DENND4A: variants seen among roughly 807,000 people sequenced by gnomAD.
DENND4A encodes the protein DENN domain containing 4A.
DENND4A carries 70 observed loss-of-function variants against 199.3 expected under a neutral mutation model. The ratio of observed to expected loss-of-function variants is 0.35; its 90% CI spans 0.29 to 0.43. The LOEUF is 0.43. Ranked by LOEUF, DENND4A falls within the 20% of genes least tolerant of loss-of-function variation. The pLI, the probability that DENND4A is intolerant of heterozygous loss-of-function variation, is 1.00. For synonymous variants in DENND4A, 686 were observed against 766.9 expected, an observed-to-expected ratio of 0.89 and a Z score of 1.74; for missense variants, 1,723 against 2,255.8, an observed-to-expected ratio of 0.76 and a Z score of 4.78.
At chr15:65,706,628 TG>T (rs955608862) in intron 14 of DENND4A, among the ~76,000 whole-genome samples, 20 of 152,146 alleles carry the variant, frequency 1.3e-4, no homozygotes, top group African/African-American at 4.6e-4. Context: ...CCCAAGTAGC[TG>T]GGACTACAGG....
chr15:65,666,249 AAAAT>A (rs1351960064), intron 29 of DENND4A, among the ~76,000 whole-genome samples: 1 of 152,226 alleles, frequency 6.6e-6, no homozygotes, highest in Admixed American at 6.5e-5. Context: ...AACTAATAAT[AAAAT>A]AGAACAATTA....
At position 65,731,065 on chromosome 15, in the gene DENND4A, A is replaced by C. The variant is rs532744845; in HGVS notation, c.1166+577T>G. 1.9e-3 allele frequency among the ~76,000 whole-genome samples: 289 copies of C among 152,150 alleles called. 2 individuals are homozygous for C. The highest frequency in any genetic ancestry group is 6.6e-3 in the African/African-American group (275 of 41,560). On this transcript the variant is annotated intron_variant, in intron 9 of 32. Transcript: ENST00000443035. ...CTGCAATTCTTACAAAATTAATGTC[A>C]AAGATGGCAGCTAGTCTCCCTTAGG...
At chr15:65,671,540 C>A (rs1377229516) in intron 25 of DENND4A, among the ~76,000 whole-genome samples, 1 of 152,180 alleles carries the variant, frequency 6.6e-6, no homozygotes, top group African/African-American at 2.4e-5. Flanking sequence ...CAGGTGCCTG[C>A]CACCATGCCT....
At chr15:65,775,378 C>T (rs2077256687) in intron 1 of DENND4A, among the ~76,000 whole-genome samples, 1 of 151,090 alleles carries the variant, frequency 6.6e-6, no homozygotes, top group Non-Finnish European at 1.5e-5. Flanking sequence ...CGGTGGCTCA[C>T]GTCTGTAATC....
chr15:65,670,112 G>A lies in DENND4A; in HGVS notation c.4541C>T (p.Thr1514Ile). 1 of 1,602,322 alleles carries A rather than the reference G, an allele frequency of 6.2e-7. No individual in the cohort carries two copies. Among genetic ancestry groups the A allele is most frequent in the Non-Finnish European group, 8.5e-7 (1 of 1,173,972 alleles). The change falls in exon 26 of 33, where the codon ACA becomes ATA. Residue 1514 changes from threonine (T) to isoleucine (I), a missense_variant. Around this residue, in one of 6 missense-constraint regions of DENND4A, gnomAD observed 7 missense variants for 28.4 expected, o/e 0.25. Coordinates refer to ENST00000443035, the MANE Select transcript of DENND4A (RefSeq NM_001320835.1). ...AGTATTGAGATTTGAATCATCTGCT[G>A]TCCAGCCAGCCATGATTTCCTCATC... ...VHDEEIMAGW[T>I]ADDSNLNTTC...
chr15:65,778,262 T>C (rs1310466638), intron 1 of DENND4A, among the ~76,000 whole-genome samples: 1 of 151,916 alleles, frequency 6.6e-6, no homozygotes, highest in Non-Finnish European at 1.5e-5. Flanking sequence ...TAAAGAAAAA[T>C]AATATCAGTT....
intron 1 of DENND4A, among the ~76,000 whole-genome samples, chr15:65,784,230 G>A (rs2572211): frequency 6.6e-6 from 1 of 151,984 alleles, no homozygotes; most frequent in Non-Finnish European, 1.5e-5. Flanking sequence ...AGGAAAGTCT[G>A]AAATGCCATC....
chr15:65,707,391 T>C (rs1011646849), intron 14 of DENND4A, among the ~76,000 whole-genome samples: 1 of 152,120 alleles, frequency 6.6e-6, no homozygotes, highest in African/African-American at 2.4e-5. Context: ...AGTTAAACCT[T>C]TAAGATAAGG....
At position 65,772,174 on chromosome 15, in the gene DENND4A, T is replaced by C. The variant is rs561914407; in HGVS notation, c.-101-10736A>G. On this transcript the variant is annotated intron_variant, in intron 1 of 32. Transcript: ENST00000443035. ...TCCTTCGATTTTATTTTCAATTACA[T>C]TAGCAACACCATTATCACTTCAATG... is the stretch of plus-strand genomic sequence containing the variant. The C allele has an allele frequency of 1.7e-5, 12 of 688,646 alleles. No individual in the cohort carries two copies. In the Middle Eastern group the frequency reaches 7.4e-4, roughly 42 times the overall value. 42.7% of individuals were successfully genotyped at this position (688,646 alleles called of 1,614,324 possible).
intron 15 of DENND4A, among the ~76,000 whole-genome samples, chr15:65,703,395 T>A (rs1004445156): frequency 3.3e-5 from 5 of 152,208 alleles, no homozygotes; most frequent in Non-Finnish European, 7.3e-5. Flanking sequence ...AAAAGGGCAA[T>A]CATTAATGTC....
At chr15:65,732,261 G>A (rs2075980938) in intron 8 of DENND4A, among the ~76,000 whole-genome samples, 1 of 151,980 alleles carries the variant, frequency 6.6e-6, no homozygotes, top group Non-Finnish European at 1.5e-5. Context: ...AATGTGTTAT[G>A]TATATTCTTA....
chr15:65,660,254 T>A lies in DENND4A; in HGVS notation c.*1597A>T. The A allele has an allele frequency of 2.9e-5, 44 of 1,530,712 alleles. No homozygotes were observed. Among genetic ancestry groups the A allele is most frequent in the Non-Finnish European group, 3.9e-5 (44 of 1,142,442 alleles). The allele number at this position is 1,530,712 out of a possible 1,614,324, so 94.8% of individuals were successfully genotyped here. A position where few individuals can be genotyped will look rare whatever the true frequency, so the allele number is the denominator to read the frequency against. On this transcript the variant is annotated 3_prime_UTR_variant, in exon 33 of 33. Transcript: ENST00000443035. ...CCAAACTAACTGAAGTTTTACATTT[T>A]TAAACTCTCTCCATTATTTCCCAGA...
chr15:65,776,059 T>C (rs2140925822), intron 1 of DENND4A, among the ~76,000 whole-genome samples: 1 of 152,314 alleles, frequency 6.6e-6, no homozygotes, highest in African/African-American at 2.4e-5. Flanking sequence ...TTTGTATGCT[T>C]CTAGAGTATC....
At chr15:65,778,950 T>A (rs554286074) in intron 1 of DENND4A, among the ~76,000 whole-genome samples, 1 of 147,062 alleles carries the variant, frequency 6.8e-6, no homozygotes, top group Non-Finnish European at 1.5e-5. Context: ...CAACATGCAA[T>A]TAAATACTGA....
intron 1 of DENND4A, chr15:65,766,735 A>G (rs1370835779): frequency 1.3e-5 from 2 of 152,210 alleles, no homozygotes; most frequent in African/African-American, 4.8e-5. Context: ...TTAAATCCCA[A>G]TGAAAACCAA....
At chr15:65,773,377 C>A (rs915322223) in intron 1 of DENND4A, among the ~76,000 whole-genome samples, 1 of 152,090 alleles carries the variant, frequency 6.6e-6, no homozygotes, top group Non-Finnish European at 1.5e-5. Flanking sequence ...TGCCTTACAG[C>A]GGTTTAATAG....
chr15:65,787,806 G>C (rs2077605897), intron 1 of DENND4A, among the ~76,000 whole-genome samples: 1 of 152,156 alleles, frequency 6.6e-6, no homozygotes. Flanking sequence ...TTGTGACCCA[G>C]GGTCTGAGGG....
At chr15:65,696,870 CA>C in intron 21 of DENND4A, 2 of 322,154 alleles carry the variant, frequency 6.2e-6, no homozygotes, top group Non-Finnish European at 1.2e-5. Context: ...TAACAAGGTT[CA>C]AGGGTGGCAC....
intron 12 of DENND4A, among the ~76,000 whole-genome samples, chr15:65,718,714 C>A (rs1485363848): frequency 7.3e-6 from 1 of 137,094 alleles, no homozygotes; most frequent in African/African-American, 2.6e-5. Context: ...GAAAATATTT[C>A]AAAAACTGCC....
Sources: allele counts gnomAD v4.1 joint callset (sites outside exome capture counted in the v4.1 genomes callset), GRCh38; gene constraint gnomAD v4.1.1; regional missense constraint gnomAD v4.1.1; transcripts MANE v1.5; gene names NCBI Gene and HGNC (gene_info 2026-07-23, HGNC 2026-07-21).